The following SNX18 variants were observed in gnomAD, a reference collection of about 807,000 sequenced individuals.
SNX18 encodes the protein sorting nexin 18.
A neutral mutation model predicts 48.7 loss-of-function variants in SNX18; 35 were observed. The ratio of observed to expected loss-of-function variants is 0.72; its 90% CI spans 0.55 to 0.95. The LOEUF (loss-of-function observed/expected upper bound fraction) is 0.95. Ranked by LOEUF, SNX18 falls within the 40% of genes least tolerant of loss-of-function variation. The pLI is 0.00. For synonymous variants in SNX18, 492 were observed against 384.7 expected, an observed-to-expected ratio of 1.28 and a Z score of -3.26; for missense variants, 824 against 871.0, an observed-to-expected ratio of 0.95 and a Z score of 0.68.
the SNX18 span, chr5:54,645,329 G>A: frequency 6.6e-6 from 1 of 152,184 alleles, no homozygotes; most frequent in East Asian, 1.9e-4. Flanking sequence ...GTCTAACAAG[G>A]GAGACATATA....
At chr5:54,612,118 C>T in the SNX18 span, among the ~76,000 whole-genome samples, 39 of 152,098 alleles carry the variant, frequency 2.6e-4, no homozygotes, top group Admixed American at 1.4e-3. Flanking sequence ...TGGGATCAAG[C>T]GATAACTTGT....
chr5:54,592,537 G>C, the SNX18 span, among the ~76,000 whole-genome samples: 4 of 152,222 alleles, frequency 2.6e-5, no homozygotes, highest in African/African-American at 9.6e-5. Context: ...GATGATGATC[G>C]TGAAGCTTAA....
chr5:54,546,753 C>G (rs1762582521), downstream of SNX18, among the ~76,000 whole-genome samples: 1 of 152,140 alleles, frequency 6.6e-6, no homozygotes, highest in African/African-American at 2.4e-5. Flanking sequence ...AATTTAAAAC[C>G]ATCATCATTC....
chr5:54,544,653 A>G lies in SNX18; in HGVS notation c.*1221A>G, dbSNP rs567873301. On this transcript the variant is annotated 3_prime_UTR_variant, in exon 2 of 2. Transcript: ENST00000381410. ...TTGATGAGCCCCCCCCCCCCAGGAC[A>G]TTTAACCTTAAAATTTATTTTAAAT... The G allele has an allele frequency of 1.5e-3, 169 of 114,582 alleles. 2 individuals carry two copies. The highest frequency in any genetic ancestry group is 5.1e-3 in the African/African-American group (155 of 30,490). The allele number at this position is 114,582 out of a possible 1,614,324, so 7.1% of individuals were successfully genotyped here. A position where few individuals can be genotyped will look rare whatever the true frequency, so the allele number is the denominator to read the frequency against.
chr5:54,565,060 C>G, the SNX18 span, among the ~76,000 whole-genome samples: 2 of 152,166 alleles, frequency 1.3e-5, no homozygotes, highest in Admixed American at 1.3e-4. Context: ...TACTCTGACA[C>G]TGATTCCTAT....
the SNX18 span, among the ~76,000 whole-genome samples, chr5:54,573,102 G>A: frequency 1.3e-5 from 2 of 152,016 alleles, no homozygotes; most frequent in East Asian, 1.9e-4. Flanking sequence ...TGAGAGCAAA[G>A]GCATTCCAAA....
At chr5:54,621,944 AAATTGGCTGTGGG>A in the SNX18 span, among the ~76,000 whole-genome samples, 1 of 152,210 alleles carries the variant, frequency 6.6e-6, no homozygotes, top group Non-Finnish European at 1.5e-5. Context: ...TTTTTATAGA[AAATTGGCTGTGGG>A]AATTTGACCG....
At position 54,544,642 on chromosome 5, in the gene SNX18, C is replaced by G. The variant is rs898932721; in HGVS notation, c.*1210C>G. 7.4e-6 allele frequency: 1 copy of G among 135,600 alleles called. No homozygotes were observed. Among genetic ancestry groups the G allele is most frequent in the Admixed American group, 7.5e-5 (1 of 13,282 alleles). 8.4% of individuals were successfully genotyped at this position (135,600 alleles called of 1,614,324 possible). ...AAAAAAAGGTATTGATGAGCCCCCC[C>G]CCCCCAGGACATTTAACCTTAAAAT... On this transcript the variant is annotated 3_prime_UTR_variant, in exon 2 of 2. Transcript: ENST00000381410.
At chr5:54,554,853 C>T in the SNX18 span, among the ~76,000 whole-genome samples, 16 of 152,176 alleles carry the variant, frequency 1.1e-4, no homozygotes, top group African/African-American at 3.4e-4. Flanking sequence ...CAGATTATAT[C>T]GGGGTCTTCC....
rs567575325 is a variant in SNX18 at position 54,523,678 on chromosome 5, C to G, written c.1621+4105C>G. Among the ~76,000 whole-genome samples the G allele has an allele frequency of 8.5e-5, 13 of 152,250 alleles. No individual in the cohort carries two copies. In the South Asian group the frequency reaches 2.3e-3, roughly 27 times the overall value. ...CGCTCTCTAAATGTTCCAGATGGAG[C>G]CTTTTTTCAATAAAAGCCCCAGGAC... On this transcript the variant is annotated intron_variant, in intron 1 of 1. Transcript: ENST00000381410.
At chr5:54,611,334 CT>C in the SNX18 span, among the ~76,000 whole-genome samples, 2 of 152,114 alleles carry the variant, frequency 1.3e-5, no homozygotes, top group African/African-American at 4.8e-5. Flanking sequence ...CAAGATGGTC[CT>C]TTCCCCACCC....
At chr5:54,560,634 T>A in the SNX18 span, among the ~76,000 whole-genome samples, 2 of 152,152 alleles carry the variant, frequency 1.3e-5, no homozygotes, top group South Asian at 4.1e-4. Flanking sequence ...AAATGAAAGC[T>A]AAATTAAAGA....
At chr5:54,638,859 C>G in the SNX18 span, among the ~76,000 whole-genome samples, 2 of 152,120 alleles carry the variant, frequency 1.3e-5, no homozygotes, top group Non-Finnish European at 2.9e-5. Flanking sequence ...CTCCAGGGCC[C>G]GACCTCAAGA....
chr5:54,541,817 C>G (rs1762476331), intron 1 of SNX18, among the ~76,000 whole-genome samples: 1 of 152,188 alleles, frequency 6.6e-6, no homozygotes, highest in Non-Finnish European at 1.5e-5. Flanking sequence ...GCCAAAAAAG[C>G]ATACTGCTTT....
At chr5:54,619,962 C>T in the SNX18 span, among the ~76,000 whole-genome samples, 2 of 152,152 alleles carry the variant, frequency 1.3e-5, no homozygotes, top group African/African-American at 4.8e-5. Flanking sequence ...CTAAAGTAAG[C>T]ATGTGAAATT....
the SNX18 span, among the ~76,000 whole-genome samples, chr5:54,603,705 T>G: frequency 0.47 from 70,738 of 152,066 alleles, 17,566 homozygotes; most frequent in Non-Finnish European, 0.54. Flanking sequence ...CTGGGCATTT[T>G]TCTTTGCTAA....
the SNX18 span, among the ~76,000 whole-genome samples, chr5:54,609,817 G>C: frequency 6.6e-6 from 1 of 151,676 alleles, no homozygotes; most frequent in East Asian, 2.0e-4. Context: ...CCCCACATTG[G>C]AGGTGGAGCG....
chr5:54,644,612 T>C, the SNX18 span: 1 of 83,620 alleles, frequency 1.2e-5, no homozygotes, highest in Non-Finnish European at 2.6e-5. Flanking sequence ...GCCAGTGAGA[T>C]AGGAGTGAAA....
the SNX18 span, among the ~76,000 whole-genome samples, chr5:54,625,515 A>G: frequency 6.6e-6 from 1 of 152,152 alleles, no homozygotes; most frequent in Admixed American, 6.6e-5. Context: ...GGCTTCCCTC[A>G]GAGTGAAGGC....
Sources: allele counts gnomAD v4.1 joint callset (sites outside exome capture counted in the v4.1 genomes callset), GRCh38; gene constraint gnomAD v4.1.1; transcripts MANE v1.5; gene names NCBI Gene and HGNC (gene_info 2026-07-23, HGNC 2026-07-21).